Variants in FGF12 observed in about 807,000 individuals in gnomAD.
The protein encoded by FGF12 is fibroblast growth factor 12B.
Under a neutral mutation model 23.6 loss-of-function variants are expected in FGF12, and 14 were observed. That is an observed-to-expected ratio of 0.59 (90% CI 0.39 to 0.93). FGF12 has a LOEUF of 0.93. Ranked by LOEUF, FGF12 falls within the 40% of genes least tolerant of loss-of-function variation. The probability of loss-of-function intolerance (pLI) is 0.00; values close to 1 mark genes in which losing one functional copy is unlikely to be tolerated. For synonymous variants in FGF12, 62 were observed against 77.3 expected (o/e 0.80, Z 1.04); for missense variants, 175 against 217.8 (o/e 0.80, Z 1.24).
At chr3:192,228,502 T>C (rs1441282978) in intron 4 of FGF12, among the ~76,000 whole-genome samples, 1 of 152,118 alleles carries the variant, frequency 6.6e-6, no homozygotes, top group Non-Finnish European at 1.5e-5. Context: ...AAAGCTTCCA[T>C]GTCAACTTGT....
intron 4 of FGF12, among the ~76,000 whole-genome samples, chr3:192,278,673 T>C (rs1464184027): frequency 6.6e-6 from 1 of 152,052 alleles, no homozygotes; most frequent in African/African-American, 2.4e-5. Context: ...AGCCTACATA[T>C]GGTAGAAAGT....
At chr3:192,339,442 CT>C (rs1230225135) in intron 3 of FGF12, among the ~76,000 whole-genome samples, 1 of 152,160 alleles carries the variant, frequency 6.6e-6, no homozygotes, top group Non-Finnish European at 1.5e-5. Flanking sequence ...TCCTCCCTGT[CT>C]CCAATGTCCT....
At chr3:192,417,748 A>AC (rs1216326036) in intron 2 of FGF12, among the ~76,000 whole-genome samples, 2 of 152,024 alleles carry the variant, frequency 1.3e-5, no homozygotes, top group Non-Finnish European at 2.9e-5. Context: ...CAGATACTGA[A>AC]CCCTTGATAA....
At chr3:192,427,978 T>C (rs997644929) in intron 2 of FGF12, among the ~76,000 whole-genome samples, 1 of 152,230 alleles carries the variant, frequency 6.6e-6, no homozygotes, top group Non-Finnish European at 1.5e-5. Context: ...CCACTGAGAA[T>C]GTCTTAGAAC....
intron 2 of FGF12, among the ~76,000 whole-genome samples, chr3:192,517,168 A>G (rs748150779): frequency 2.6e-4 from 40 of 152,326 alleles, no homozygotes; most frequent in Non-Finnish European, 5.0e-4. Context: ...ATTTTAAAAC[A>G]CATATGACCT....
rs562419001 is a variant in FGF12, at chr3:192,672,198, G to A, written c.13+54983C>T. ...CATAGTTGTGAGAAGAGCCTGGGGT[G>A]GGTAGGAGTGGGTGATAAAGTAAGG... On this transcript the variant is annotated intron_variant, in intron 2 of 5. Coordinates refer to ENST00000445105, the MANE Select transcript of FGF12 (RefSeq NM_004113.6). Among the ~76,000 whole-genome samples, 175 of 151,336 alleles carry A rather than the reference G, an allele frequency of 1.2e-3. 6 individuals are homozygous for A. Among genetic ancestry groups the A allele is most frequent in the African/African-American group, 4.0e-3 (165 of 41,494 alleles).
rs140207547 is a variant in FGF12 at position 192,221,346 on chromosome 3, C to T, written c.229-50690G>A. On this transcript the variant is annotated intron_variant, in intron 4 of 5. Coordinates refer to ENST00000445105, the MANE Select transcript of FGF12 (RefSeq NM_004113.6). Reference sequence around the variant, plus strand: ...TCTTATATGCAAGCCATTAATCTGACAGATCAGCCAATGGAAAAATGGTAA... The same window carrying T: ...TCTTATATGCAAGCCATTAATCTGATAGATCAGCCAATGGAAAAATGGTAA... Among the ~76,000 whole-genome samples the T allele has an allele frequency of 1.2e-3, 176 of 152,264 alleles. 2 individuals are homozygous for T. The highest frequency in any genetic ancestry group is 4.0e-3 in the African/African-American group (167 of 41,552).
At chr3:192,339,279 G>C (rs181218020) in intron 3 of FGF12, among the ~76,000 whole-genome samples, 259 of 152,272 alleles carry the variant, frequency 1.7e-3, no homozygotes, top group African/African-American at 6.2e-3. Flanking sequence ...GTAGCATACT[G>C]TGGCTCCAGC....
chr3:192,567,733 GTC>G (rs1378922074), intron 2 of FGF12, among the ~76,000 whole-genome samples: 5 of 141,122 alleles, frequency 3.5e-5, no homozygotes, highest in South Asian at 2.3e-4. Context: ...TTCTCCATGT[GTC>G]TCTTTCTTTC....
At chr3:192,290,537 G>A (rs1560054287) in intron 4 of FGF12, among the ~76,000 whole-genome samples, 1 of 152,124 alleles carries the variant, frequency 6.6e-6, no homozygotes, top group South Asian at 2.1e-4. Context: ...AGACAGCTAA[G>A]CCCAGCCCTG....
At chr3:192,649,009 G>A (rs1716112266) in intron 2 of FGF12, among the ~76,000 whole-genome samples, 1 of 152,086 alleles carries the variant, frequency 6.6e-6, no homozygotes, top group Non-Finnish European at 1.5e-5. Flanking sequence ...ATGGAGGAAG[G>A]GAAGTTGCAA....
At chr3:192,344,947 A>G (rs1234461724) in intron 3 of FGF12, among the ~76,000 whole-genome samples, 3 of 152,200 alleles carry the variant, frequency 2.0e-5, no homozygotes, top group Admixed American at 1.3e-4. Flanking sequence ...CTTGTCTTGG[A>G]GCCCGTCTGG....
At chr3:192,223,421 G>A (rs1425894874) in intron 4 of FGF12, among the ~76,000 whole-genome samples, 3 of 152,048 alleles carry the variant, frequency 2.0e-5, no homozygotes, top group Non-Finnish European at 4.4e-5. Flanking sequence ...AAAAGCTAAA[G>A]ATATAATAAT....
At chr3:192,219,295 G>C (rs2108571130) in intron 4 of FGF12, among the ~76,000 whole-genome samples, 1 of 152,176 alleles carries the variant, frequency 6.6e-6, no homozygotes, top group East Asian at 1.9e-4. Flanking sequence ...ATGTTGGCCA[G>C]GCTGGTCTCG....
At chr3:192,549,591 A>G (rs1162772902) in intron 2 of FGF12, among the ~76,000 whole-genome samples, 2 of 152,168 alleles carry the variant, frequency 1.3e-5, no homozygotes, top group African/African-American at 4.8e-5. Flanking sequence ...AATTTGGCCA[A>G]ACATTATTCT....
At chr3:192,692,251 T>C (rs892192723) in intron 2 of FGF12, among the ~76,000 whole-genome samples, 1 of 152,156 alleles carries the variant, frequency 6.6e-6, no homozygotes, top group African/African-American at 2.4e-5. Flanking sequence ...TGAACATCGA[T>C]GCAAAAATCT....
At chr3:192,376,601 A>T (rs528399044) in intron 2 of FGF12, among the ~76,000 whole-genome samples, 2 of 152,252 alleles carry the variant, frequency 1.3e-5, no homozygotes, top group East Asian at 3.9e-4. Context: ...GCCTCAGGTG[A>T]TCTGCCTGCC....
intron 4 of FGF12, among the ~76,000 whole-genome samples, chr3:192,322,503 G>GACACACACACACACACACACACAC (rs3071843): frequency 4.2e-4 from 62 of 149,298 alleles, no homozygotes; most frequent in African/African-American, 1.4e-3. Flanking sequence ...ACCACACGCA[G>GACACACACACACACACACACACAC]ACACACACAC....
chr3:192,348,468 TA>T (rs920391069), intron 3 of FGF12, among the ~76,000 whole-genome samples: 1 of 152,176 alleles, frequency 6.6e-6, no homozygotes, highest in Non-Finnish European at 1.5e-5. Context: ...TTATTATCTC[TA>T]AAAAATGTTT....
Sources: allele counts gnomAD v4.1 joint callset (sites outside exome capture counted in the v4.1 genomes callset), GRCh38; gene constraint gnomAD v4.1.1; transcripts MANE v1.5; gene names NCBI Gene and HGNC (gene_info 2026-07-23, HGNC 2026-07-21).